Variants in LEO1 observed in about 807,000 individuals in gnomAD.
LEO1 encodes RNA polymerase-associated protein LEO1.
LEO1 carries 34 observed loss-of-function variants against 80.4 expected under a neutral mutation model. That is an observed-to-expected ratio of 0.42 (90% CI 0.32 to 0.56). LEO1 has a LOEUF of 0.56. Among genes scored for constraint, LEO1 ranks in the 20% least tolerant of loss-of-function variants. LEO1 has a pLI of 0.10. For synonymous variants in LEO1, 262 were observed against 274.9 expected (o/e 0.95, Z 0.46); for missense variants, 631 against 814.2 (o/e 0.77, Z 2.74).
At position 51,965,793 on chromosome 15, in the gene LEO1, T is replaced by A. The variant is rs1459377212; in HGVS notation, c.770A>T (p.Glu257Val). The A allele has an allele frequency of 3.1e-6, 5 of 1,613,114 alleles. No individual in the cohort carries two copies. The highest frequency in any genetic ancestry group is 4.2e-6 in the Non-Finnish European group (5 of 1,179,774). The change falls in exon 2 of 12, where the codon GAA becomes GTA. Residue 257 changes from glutamate (E) to valine (V), a missense_variant. Transcript: ENST00000299601. ...DDERPQASDE[E>V]HRHSDDEEEQ... ...CTCTTCATCATCTGAATGCCTGTGT[T>A]CTTCATCTGAGGCCTGTGGCCTTTC...
intron 7 of LEO1, among the ~76,000 whole-genome samples, chr15:51,954,019 C>T (rs796478626): frequency 3.0e-4 from 46 of 151,668 alleles, no homozygotes; most frequent in African/African-American, 1.1e-3. Context: ...CTGCAACCTC[C>T]GCCTCCTGGG....
intron 11 of LEO1, among the ~76,000 whole-genome samples, chr15:51,941,176 G>A (rs990273383): frequency 6.6e-6 from 1 of 152,192 alleles, no homozygotes; most frequent in African/African-American, 2.4e-5. Context: ...GACTTAGAAA[G>A]GTGAGAGAAT....
chr15:51,951,768 C>T (rs539266290), intron 9 of LEO1, 76 bp downstream of exon 9: 19 of 1,341,542 alleles, frequency 1.4e-5, no homozygotes, highest in Middle Eastern at 1.8e-4. Flanking sequence ...TAAGAGATGA[C>T]GAACAAGCAT....
chr15:51,967,121 A>G (rs1216935472), intron 1 of LEO1, among the ~76,000 whole-genome samples: 1 of 152,178 alleles, frequency 6.6e-6, no homozygotes, highest in Non-Finnish European at 1.5e-5. Flanking sequence ...CTTAAGTTAT[A>G]CCAATGTATG....
rs61740444 is a variant in LEO1, at chr15:51,966,194, C to A, written c.369G>T (p.Ser123=). 2 of 1,613,916 alleles carry A rather than the reference C, an allele frequency of 1.2e-6. No individual in the cohort carries two copies. The highest frequency in any genetic ancestry group is 2.2e-5 in the South Asian group (2 of 91,070). Residue 123 remains serine, a synonymous_variant, in exon 2 of 12, where the codon TCG becomes TCT. Transcript: ENST00000299601. ...CTTCTGAATGATGGCTCCCTCCATC[C>A]GATCTATGACCTTCGTCTTCATCAT... ...PNDDEDEGHR[S]DGGSHHSEAE...
intron 4 of LEO1, among the ~76,000 whole-genome samples, chr15:51,960,250 TTTATG>T (rs1487988697): frequency 6.6e-6 from 1 of 152,198 alleles, no homozygotes; most frequent in African/African-American, 2.4e-5. Flanking sequence ...AACTATCTCC[TTTATG>T]ATAAATCTGT....
intron 11 of LEO1, among the ~76,000 whole-genome samples, chr15:51,944,603 A>G (rs993866551): frequency 1.3e-5 from 2 of 152,176 alleles, no homozygotes; most frequent in Admixed American, 6.5e-5. Flanking sequence ...CCTGAATGAA[A>G]CTTAAGGGAA....
At chr15:51,964,609 T>C (rs1257957492) in intron 2 of LEO1, among the ~76,000 whole-genome samples, 1 of 151,856 alleles carries the variant, frequency 6.6e-6, no homozygotes, top group African/African-American at 2.4e-5. Flanking sequence ...AGTCCCATAG[T>C]CTACACAGAT....
chr15:51,962,255 A>T (rs897550482), intron 3 of LEO1, 134 bp downstream of exon 3: 13 of 530,570 alleles, frequency 2.5e-5, no homozygotes, highest in African/African-American at 3.9e-5. Context: ...TTCTCTGAGT[A>T]CACTGAGCGT....
At chr15:51,949,703 A>T in intron 10 of LEO1, 105 bp downstream of exon 10, 1 of 1,007,984 alleles carries the variant, frequency 9.9e-7, no homozygotes, top group Non-Finnish European at 1.4e-6. Context: ...CCGTCTCAAA[A>T]AAAAAAAAAA....
intron 7 of LEO1, 109 bp from the exon 8 acceptor site, chr15:51,953,372 C>A: frequency 8.5e-7 from 1 of 1,170,766 alleles, no homozygotes; most frequent in East Asian, 2.5e-5. Context: ...TGTGTAATCC[C>A]AGCACTTTGG....
intron 1 of LEO1, among the ~76,000 whole-genome samples, chr15:51,970,426 A>T (rs1246143817): frequency 6.6e-6 from 1 of 152,216 alleles, no homozygotes; most frequent in Non-Finnish European, 1.5e-5. Flanking sequence ...AGGAATGTTT[A>T]CAGTAGCACT....
At chr15:51,954,796 T>C (rs2056975782) in intron 6 of LEO1, 1 of 513,614 alleles carries the variant, frequency 1.9e-6, no homozygotes, top group Admixed American at 3.4e-5. Context: ...TCTGAGCTCC[T>C]AGAATCATAA....
At chr15:51,953,874 T>G (rs1234780302) in intron 7 of LEO1, among the ~76,000 whole-genome samples, 2 of 151,760 alleles carry the variant, frequency 1.3e-5, no homozygotes, top group Admixed American at 6.6e-5. Flanking sequence ...GAGGATCGCT[T>G]GAGCCCAGGA....
chr15:51,938,047 C>T lies in LEO1; in HGVS notation c.*109G>A, dbSNP rs1466777836. ...GACTTGCTTTTAAATTGTTTTATTACAATTAAAATTACACAAAAGCAAATC... is the reference window on the plus strand; with the variant it reads ...GACTTGCTTTTAAATTGTTTTATTATAATTAAAATTACACAAAAGCAAATC... On this transcript the variant is annotated 3_prime_UTR_variant, in exon 12 of 12. Coordinates refer to ENST00000299601, the MANE Select transcript of LEO1 (RefSeq NM_138792.4). 6.3e-6 allele frequency: 4 copies of T among 632,420 alleles called. No homozygotes were observed. Among genetic ancestry groups the T allele is most frequent in the African/African-American group, 3.8e-5 (2 of 53,078 alleles). The allele number at this position is 632,420 out of a possible 1,614,324, so 39.2% of individuals were successfully genotyped here. A position where few individuals can be genotyped will look rare whatever the true frequency, so the allele number is the denominator to read the frequency against.
Position 51,959,979 on chromosome 15 carries a change from T to C in LEO1, c.1080A>G (p.Val360=). 6.2e-7 allele frequency: 1 copy of C among 1,613,758 alleles called. No individual in the cohort carries two copies. The highest frequency in any genetic ancestry group is 2.2e-5 in the East Asian group (1 of 44,858). Residue 360 remains valine, a synonymous_variant, in exon 5 of 12, where the codon GTA becomes GTG. Coordinates refer to ENST00000299601, the MANE Select transcript of LEO1 (RefSeq NM_138792.4). The part of the protein sequence containing the change: ...EEPIPETRIE[V]EIPKVNTDLG... ...AATCAGTGTTTACTTTGGGTATTTC[T>C]ACTTCTATTCTGGTCTCAGGAATTG... is the stretch of plus-strand genomic sequence containing the variant.
intron 11 of LEO1, among the ~76,000 whole-genome samples, chr15:51,943,960 G>T (rs2056878849): frequency 6.6e-6 from 1 of 152,108 alleles, no homozygotes; most frequent in African/African-American, 2.4e-5. Flanking sequence ...AATAGTCCCA[G>T]AGAAATGTGA....
rs1362997731 is a variant in LEO1 at position 51,954,586 on chromosome 15, A to G, written c.1246-11T>C. 6.4e-7 allele frequency: 1 copy of G among 1,554,942 alleles called. No individual in the cohort carries two copies. The highest frequency in any genetic ancestry group is 1.7e-5 in the Admixed American group (1 of 59,838). On this transcript the variant is annotated splice_polypyrimidine_tract_variant and intron_variant, in intron 6 of 11. Coordinates refer to ENST00000299601, the MANE Select transcript of LEO1 (RefSeq NM_138792.4). ...TATAGTATTTTCTACCTGTTTCACA[A>G]CACAAGTACTTTAGAAAATTATAGT...
At chr15:51,950,068 C>T in intron 9 of LEO1, 74 bp from the exon 10 acceptor site, 4 of 1,231,554 alleles carry the variant, frequency 3.2e-6, no homozygotes, top group Non-Finnish European at 4.5e-6. Context: ...ACTTTTATTA[C>T]AAATAGCATG....
Sources: allele counts gnomAD v4.1 joint callset (sites outside exome capture counted in the v4.1 genomes callset), GRCh38; gene constraint gnomAD v4.1.1; transcripts MANE v1.5; gene names NCBI Gene and HGNC (gene_info 2026-07-23, HGNC 2026-07-21).